The following PRDM16 variants were observed in gnomAD, a reference collection of about 807,000 sequenced individuals.
PRDM16 encodes histone-lysine N-methyltransferase PRDM16.
Under a neutral mutation model 110.6 loss-of-function variants are expected in PRDM16, and 23 were observed. The ratio of observed to expected loss-of-function variants is 0.21; its 90% confidence interval spans 0.15 to 0.29. The LOEUF is 0.29. Among genes scored for constraint, PRDM16 ranks in the 10% least tolerant of loss-of-function variants. PRDM16 has a pLI of 1.00. For missense variants in PRDM16, 1,615 were observed against 1,794.3 expected, an observed-to-expected ratio of 0.90 and a Z score of 1.81; for synonymous variants, 799 against 781.8, an observed-to-expected ratio of 1.02 and a Z score of -0.37.
chr1:3,106,686 A>T (rs1642663652), intron 1 of PRDM16, among the ~76,000 whole-genome samples: 1 of 152,096 alleles, frequency 6.6e-6, no homozygotes, highest in Admixed American at 6.5e-5. Flanking sequence ...TGTCCCAAGC[A>T]CCTGGGCCAG....
chr1:3,135,248 G>A (rs1348035517), intron 1 of PRDM16, among the ~76,000 whole-genome samples: 1 of 152,224 alleles, frequency 6.6e-6, no homozygotes, highest in Non-Finnish European at 1.5e-5. Flanking sequence ...GGGCTGGACT[G>A]GCCATGGTGG....
chr1:3,341,984 G>A (rs567641959), intron 3 of PRDM16, among the ~76,000 whole-genome samples: 5 of 152,216 alleles, frequency 3.3e-5, no homozygotes, highest in Non-Finnish European at 5.9e-5. Context: ...AAGTTGAAAA[G>A]CACCTGTCCT....
intron 1 of PRDM16, among the ~76,000 whole-genome samples, chr1:3,082,731 G>A (rs1009449480): frequency 6.6e-6 from 1 of 152,352 alleles, no homozygotes; most frequent in African/African-American, 2.4e-5. Flanking sequence ...GAGAGGTGGG[G>A]TGCGCTTCAT....
At chr1:3,091,103 C>A (rs1193509724) in intron 1 of PRDM16, among the ~76,000 whole-genome samples, 1 of 152,224 alleles carries the variant, frequency 6.6e-6, no homozygotes. Context: ...GCCAAGGCGC[C>A]ATGAAGAGAC....
chr1:3,096,302 C>T (rs1018655756), intron 1 of PRDM16, among the ~76,000 whole-genome samples: 3 of 152,176 alleles, frequency 2.0e-5, no homozygotes, highest in African/African-American at 4.8e-5. Flanking sequence ...CTGTCCTGTC[C>T]TCTCTAGCCC....
At chr1:3,411,353 G>A (rs369175671) in intron 8 of PRDM16, 31 bp from the exon 9 acceptor site, 43 of 1,577,424 alleles carry the variant, frequency 2.7e-5, no homozygotes, top group African/African-American at 1.8e-4. Context: ...CATTTCATGC[G>A]GGTTTGTCTT....
rs1643610924 is a variant in PRDM16, at chr1:3,144,572, A to C, written c.38-41553A>C. Among the ~76,000 whole-genome samples the C allele has an allele frequency of 2.0e-5, 3 of 152,152 alleles. No homozygotes were observed. The South Asian group carries it at 6.2e-4, about 32-fold the overall frequency. Reference sequence around the variant, plus strand: ...GAGGGGGTGGCCATGAGCTGTGTGAAGCCCTCACTCTCTGTACCTGCCAGT... The same window carrying C: ...GAGGGGGTGGCCATGAGCTGTGTGACGCCCTCACTCTCTGTACCTGCCAGT... On this transcript the variant is annotated intron_variant, in intron 1 of 16. Transcript: ENST00000270722.
intron 12 of PRDM16, among the ~76,000 whole-genome samples, chr1:3,422,161 G>A (rs182709457): frequency 6.7e-6 from 1 of 148,440 alleles, no homozygotes; most frequent in Non-Finnish European, 1.5e-5. Flanking sequence ...AGGCAGGGCA[G>A]ACAGGCAGGA....
intron 1 of PRDM16, among the ~76,000 whole-genome samples, chr1:3,109,407 G>GC (rs1642735913): frequency 6.6e-6 from 1 of 152,148 alleles, no homozygotes; most frequent in African/African-American, 2.4e-5. Context: ...CGTGGAGCCC[G>GC]CAGGATGCAG....
chr1:3,199,682 T>C lies in PRDM16; in HGVS notation c.387+13208T>C, dbSNP rs955064163. Among the ~76,000 whole-genome samples, 6 of 152,092 alleles carry C rather than the reference T, an allele frequency of 3.9e-5. No homozygotes were observed. In the South Asian group the frequency reaches 8.3e-4, roughly 21 times the overall value. Reference sequence around the variant, plus strand: ...GCCTCTGATGAGCCTCTCTAGTGCATGAAGAATCGCTGGGGGCTGAGAAGC... The same window carrying C: ...GCCTCTGATGAGCCTCTCTAGTGCACGAAGAATCGCTGGGGGCTGAGAAGC... On this transcript the variant is annotated intron_variant, in intron 2 of 16. Transcript: ENST00000270722.
At chr1:3,336,147 G>A (rs1000684391) in intron 3 of PRDM16, among the ~76,000 whole-genome samples, 5 of 152,246 alleles carry the variant, frequency 3.3e-5, no homozygotes, top group African/African-American at 1.2e-4. Context: ...CCCAGCCCCT[G>A]CATTCAGGCT....
Position 3,209,593 on chromosome 1 carries a change from C to T in PRDM16, c.387+23119C>T, listed in dbSNP as rs1638834070. On this transcript the variant is annotated intron_variant, in intron 2 of 16. Coordinates refer to ENST00000270722, the MANE Select transcript of PRDM16 (RefSeq NM_022114.4). The surrounding 1 kb of genome is among the most constrained non-coding windows in gnomAD (Gnocchi z 4.6). ...GTGGGTGCGCGTGGAAGCTGAGCGCCTCAGTGGAATGTCCTGGAACCTCAC... is the reference window on the plus strand; with the variant it reads ...GTGGGTGCGCGTGGAAGCTGAGCGCTTCAGTGGAATGTCCTGGAACCTCAC... Among the ~76,000 whole-genome samples the T allele has an allele frequency of 6.6e-6, 1 of 152,252 alleles. No individual in the cohort carries two copies. Among genetic ancestry groups the T allele is most frequent in the South Asian group, 2.1e-4 (1 of 4,834 alleles).
At chr1:3,366,830 G>A (rs1184543819) in intron 3 of PRDM16, among the ~76,000 whole-genome samples, 3 of 152,204 alleles carry the variant, frequency 2.0e-5, no homozygotes, top group Non-Finnish European at 2.9e-5. Flanking sequence ...ACATCAGGCT[G>A]TAACCGTGTC....
chr1:3,317,795 T>C (rs1455843771), intron 3 of PRDM16, among the ~76,000 whole-genome samples: 1 of 152,212 alleles, frequency 6.6e-6, no homozygotes, highest in Non-Finnish European at 1.5e-5. Flanking sequence ...ATTACTCCCT[T>C]TTAATAGAGA....
chr1:3,369,894 TG>T (rs1238916627), intron 3 of PRDM16, among the ~76,000 whole-genome samples: 1 of 152,214 alleles, frequency 6.6e-6, no homozygotes, highest in Non-Finnish European at 1.5e-5. Context: ...GCAAGGTATT[TG>T]CTTAGACTTG....
intron 1 of PRDM16, among the ~76,000 whole-genome samples, chr1:3,136,284 C>T (rs543535811): frequency 2.0e-5 from 3 of 152,326 alleles, no homozygotes; most frequent in East Asian, 1.9e-4. Context: ...CGCGATGCTC[C>T]GGGGTCTCGG....
At chr1:3,235,414 T>A (rs2100895605) in intron 2 of PRDM16, among the ~76,000 whole-genome samples, 1 of 152,298 alleles carries the variant, frequency 6.6e-6, no homozygotes, top group East Asian at 1.9e-4. Flanking sequence ...TTACATTCCC[T>A]TCCCCTGGGG....
rs1638955178 is a variant in PRDM16, at chr1:3,438,061, T to A, written c.*4250T>A. On this transcript the variant is annotated 3_prime_UTR_variant, in exon 17 of 17. Transcript: ENST00000270722. ...TGTTTTGTTTTTTCTTTTAGAACTG[T>A]ATAGTATTGAAAAAGAAATCAAATG... 1 of 208,612 alleles carries A rather than the reference T, an allele frequency of 4.8e-6. No homozygotes were observed. Among genetic ancestry groups the A allele is most frequent in the Non-Finnish European group, 9.8e-6 (1 of 102,392 alleles). The allele number at this position is 208,612 out of a possible 1,614,324, so 12.9% of individuals were successfully genotyped here.
Position 3,350,850 on chromosome 1 carries a change from A to C in PRDM16, c.439-34302A>C, listed in dbSNP as rs1642467350. 6.6e-6 allele frequency among the ~76,000 whole-genome samples: 1 copy of C among 152,142 alleles called. No individual in the cohort carries two copies. Among genetic ancestry groups the C allele is most frequent in the African/African-American group, 2.4e-5 (1 of 41,422 alleles). ...AGGTGGGTGGGGCCCAGCCAGCGCC[A>C]GGCACTTCTGGCTGGGGGATATACA... On this transcript the variant is annotated intron_variant, in intron 3 of 16. Coordinates refer to ENST00000270722, the MANE Select transcript of PRDM16 (RefSeq NM_022114.4). This position sits in a 1 kb window ranked among gnomAD's most constrained non-coding sequence, Gnocchi z 7.1.
Sources: allele counts gnomAD v4.1 joint callset (sites outside exome capture counted in the v4.1 genomes callset), GRCh38; gene constraint gnomAD v4.1.1; non-coding constraint Gnocchi (gnomAD v3.1); transcripts MANE v1.5; gene names NCBI Gene and HGNC (gene_info 2026-07-23, HGNC 2026-07-21).